The following CCDC192 variants were observed in gnomAD, a reference collection of about 807,000 sequenced individuals.
The protein encoded by CCDC192 is coiled-coil domain-containing protein 192.
intron 6 of CCDC192, among the ~76,000 whole-genome samples, chr5:127,927,052 T>A (rs1313196392): frequency 6.6e-6 from 1 of 152,136 alleles, no homozygotes; most frequent in African/African-American, 2.4e-5. Flanking sequence ...ATTGGTAACC[T>A]CAGTAAGACC....
At chr5:127,834,761 G>C (rs1026946677) in intron 5 of CCDC192, among the ~76,000 whole-genome samples, 18 of 152,148 alleles carry the variant, frequency 1.2e-4, no homozygotes, top group African/African-American at 3.9e-4. Flanking sequence ...CTAGCGAATA[G>C]TAAAACAGCT....
chr5:127,826,928 A>G (rs1270225495), intron 5 of CCDC192, among the ~76,000 whole-genome samples: 2 of 152,176 alleles, frequency 1.3e-5, no homozygotes, highest in Non-Finnish European at 2.9e-5. Context: ...TTAATAGAGT[A>G]ATTTTTTAAA....
Position 127,869,616 on chromosome 5 carries a change from A to G in CCDC192, c.412-5922A>G, listed in dbSNP as rs117944197. Among the ~76,000 whole-genome samples the G allele has an allele frequency of 1.8e-4, 27 of 152,328 alleles. No homozygotes were observed. The East Asian group carries it at 4.3e-3, about 24-fold the overall frequency. Reference sequence around the variant, plus strand: ...GTTTCTCTTAAATAAACACTTATACAGGCATCCTGGAAAGCAGAACATCTA... The same window carrying G: ...GTTTCTCTTAAATAAACACTTATACGGGCATCCTGGAAAGCAGAACATCTA... On this transcript the variant is annotated intron_variant, in intron 5 of 6. Coordinates refer to ENST00000514853, the MANE Select transcript of CCDC192 (RefSeq NM_001317938.2).
chr5:127,730,869 A>C (rs1361711922), intron 2 of CCDC192, among the ~76,000 whole-genome samples: 1 of 152,212 alleles, frequency 6.6e-6, no homozygotes, highest in Non-Finnish European at 1.5e-5. Context: ...AACATACCTC[A>C]AAATAATAAG....
chr5:127,752,156 G>A (rs1159808808), intron 2 of CCDC192, among the ~76,000 whole-genome samples: 1 of 152,214 alleles, frequency 6.6e-6, no homozygotes, highest in South Asian at 2.1e-4. Context: ...CGTTGCTGGT[G>A]AGGAGCTGCA....
intron 2 of CCDC192, among the ~76,000 whole-genome samples, chr5:127,715,374 G>A (rs1183144565): frequency 6.6e-6 from 1 of 152,198 alleles, no homozygotes; most frequent in East Asian, 1.9e-4. Flanking sequence ...ATTTATTGAA[G>A]AGACAGTCCT....
At chr5:127,898,594 G>A (rs1202497284) in intron 6 of CCDC192, among the ~76,000 whole-genome samples, 1 of 152,142 alleles carries the variant, frequency 6.6e-6, no homozygotes, top group African/African-American at 2.4e-5. Flanking sequence ...GAAGGGAGAG[G>A]TGGAATACAA....
At chr5:127,787,886 A>G (rs1039995888) in intron 3 of CCDC192, among the ~76,000 whole-genome samples, 8 of 152,176 alleles carry the variant, frequency 5.3e-5, no homozygotes, top group Non-Finnish European at 1.2e-4. Flanking sequence ...GTTTGAGACC[A>G]ACCTGGCCAA....
At chr5:127,717,305 A>G (rs916220395) in intron 2 of CCDC192, among the ~76,000 whole-genome samples, 2 of 152,162 alleles carry the variant, frequency 1.3e-5, no homozygotes, top group African/African-American at 4.8e-5. Context: ...GCTAAAGGTA[A>G]GTAATGTTAT....
At chr5:127,713,509 G>T (rs975017658) in intron 2 of CCDC192, among the ~76,000 whole-genome samples, 10 of 152,058 alleles carry the variant, frequency 6.6e-5, no homozygotes, top group African/African-American at 2.4e-4. Flanking sequence ...TCTGTACCTG[G>T]TCTTGTAATT....
rs1251236536 is a variant in CCDC192 at position 127,797,238 on chromosome 5, T to A, written c.354+4T>A. The A allele has an allele frequency of 2.5e-6, 1 of 397,900 alleles. No individual in the cohort carries two copies. The highest frequency in any genetic ancestry group is 4.4e-6 in the Non-Finnish European group (1 of 225,294). 24.6% of individuals were successfully genotyped at this position (397,900 alleles called of 1,614,324 possible). On this transcript the variant is annotated splice_donor_region_variant and intron_variant, in intron 4 of 6. Coordinates refer to ENST00000514853, the MANE Select transcript of CCDC192 (RefSeq NM_001317938.2). ...AATGGTTCTTGTGAAAGACCAGGTA[T>A]GTTGTAGAACAAAGTCATCTTTATT...
intron 5 of CCDC192, among the ~76,000 whole-genome samples, chr5:127,852,348 A>G (rs759151457): frequency 1.2e-4 from 18 of 152,216 alleles, no homozygotes; most frequent in Non-Finnish European, 1.9e-4. Flanking sequence ...GACAGGAGAA[A>G]AGGTGGGTGT....
At chr5:127,742,932 T>G (rs1008996838) in intron 2 of CCDC192, among the ~76,000 whole-genome samples, 2 of 152,188 alleles carry the variant, frequency 1.3e-5, no homozygotes, top group South Asian at 4.1e-4. Context: ...TGGGAACCAC[T>G]AATATAATTA....
chr5:127,766,955 T>C (rs1755262771), intron 3 of CCDC192, among the ~76,000 whole-genome samples: 1 of 152,178 alleles, frequency 6.6e-6, no homozygotes, highest in South Asian at 2.1e-4. Context: ...TTTCCTAACC[T>C]CAAGGACTTT....
intron 3 of CCDC192, among the ~76,000 whole-genome samples, chr5:127,794,196 G>C (rs543326749): frequency 2.0e-4 from 30 of 152,156 alleles, no homozygotes; most frequent in Non-Finnish European, 3.7e-4. Context: ...ATTAGTTTAT[G>C]CTTTGATTCC....
intron 5 of CCDC192, among the ~76,000 whole-genome samples, chr5:127,840,272 G>A (rs575126152): frequency 6.6e-6 from 1 of 152,256 alleles, no homozygotes; most frequent in Admixed American, 6.5e-5. Context: ...AATGTATAAG[G>A]CTGAGAAAGA....
intron 6 of CCDC192, among the ~76,000 whole-genome samples, chr5:127,892,563 T>C (rs1752762358): frequency 6.6e-6 from 1 of 152,220 alleles, no homozygotes; most frequent in Non-Finnish European, 1.5e-5. Flanking sequence ...ATTTCAGGTA[T>C]GTAGGTGATG....
At chr5:127,754,085 G>T (rs1754417210) in intron 2 of CCDC192, among the ~76,000 whole-genome samples, 183 bp from the exon 3 acceptor site, 2 of 152,066 alleles carry the variant, frequency 1.3e-5, no homozygotes, top group Non-Finnish European at 2.9e-5. Context: ...TATTTTAAAT[G>T]AAACTATTGT....
intron 5 of CCDC192, among the ~76,000 whole-genome samples, chr5:127,848,922 G>A (rs541928303): frequency 1.9e-4 from 29 of 152,268 alleles, no homozygotes; most frequent in Middle Eastern, 6.9e-3. Flanking sequence ...AGGCTTCTGT[G>A]TAAACTTTAG....
Sources: allele counts gnomAD v4.1 joint callset (sites outside exome capture counted in the v4.1 genomes callset), GRCh38; gene constraint gnomAD v4.1.1; transcripts MANE v1.5; gene names NCBI Gene and HGNC (gene_info 2026-07-23, HGNC 2026-07-21).